Variants in GGA3 observed in about 807,000 individuals in gnomAD.
GGA3 encodes the protein ADP-ribosylation factor-binding protein GGA3.
A neutral mutation model predicts 77.5 loss-of-function variants in GGA3; 57 were observed. That is an observed-to-expected ratio of 0.74 (90% confidence interval 0.59 to 0.92). The LOEUF (loss-of-function observed/expected upper bound fraction) is 0.92, where lower values mean the gene tolerates loss of function less well. Among genes scored for constraint, GGA3 ranks in the 40% least tolerant of loss-of-function variants. GGA3 has a pLI of 0.00. For synonymous variants in GGA3, 416 were observed against 383.7 expected (o/e 1.08, Z -0.98); for missense variants, 970 against 914.9 (o/e 1.06, Z -0.78).
At chr17:75,250,961 A>G (rs1216506522) in intron 1 of GGA3, among the ~76,000 whole-genome samples, 3 of 150,942 alleles carry the variant, frequency 2.0e-5, no homozygotes, top group Non-Finnish European at 4.4e-5. Context: ...CGCACCTGTG[A>G]TCCCAGCTAC....
In GGA3 at chr17:75,239,540, G is replaced by A. The variant is rs1249316983; in HGVS notation, c.1615C>T (p.Pro539Ser). The A allele has an allele frequency of 1.3e-6, 2 of 1,560,964 alleles. No homozygotes were observed. The highest frequency in any genetic ancestry group is 1.2e-5 in the South Asian group (1 of 85,740). Residue 539 changes from proline to serine, a missense_variant, in exon 14 of 17, where the codon CCT becomes TCT. Pro to Ser is a moderately conservative substitution (Grantham distance 74). Coordinates refer to ENST00000537686, the MANE Select transcript of GGA3 (RefSeq NM_138619.4). ...TSGLVKPTTS[P>S]LIPTTTPARP... ...GCTGGGGTGGTGGTGGGGATGAGAGGGGAGGTAGTGGGTTTCACCAAGCCC... is the reference window on the plus strand; with the variant it reads ...GCTGGGGTGGTGGTGGGGATGAGAGAGGAGGTAGTGGGTTTCACCAAGCCC...
chr17:75,250,762 C>CAAA (rs5822078), intron 1 of GGA3, among the ~76,000 whole-genome samples: 11 of 78,832 alleles, frequency 1.4e-4, no homozygotes, highest in African/African-American at 3.9e-4. Flanking sequence ...ACTCCATCTC[C>CAAA]AAAAAAAAAA....
rs751994794 is a variant in GGA3 at position 75,241,019 on chromosome 17, G to A, written c.985C>T (p.Leu329Phe). 7 of 1,614,022 alleles carry A rather than the reference G, an allele frequency of 4.3e-6. No homozygotes were observed. Among genetic ancestry groups the A allele is most frequent in the Non-Finnish European group, 5.1e-6 (6 of 1,180,018 alleles). ...QCSNQGTLID[L>F]AELDTTNSLS... ...CTGTTGGTCGTGTCCAGCTCCGCAA[G>A]GTCGATGAGCGTGCCTTGGTTACTG... is the stretch of plus-strand genomic sequence containing the variant. The change falls in exon 11 of 17, where the codon CTT becomes TTT. Residue 329 changes from leucine (L) to phenylalanine (F), a missense_variant. Leu to Phe is a conservative substitution (Grantham distance 22, BLOSUM62 0). Transcript: ENST00000537686.
At position 75,261,583 on chromosome 17, in the gene GGA3, G is replaced by A. The variant is rs868200707; in HGVS notation, c.5C>T (p.Ala2Val). 2 of 1,552,906 alleles carry A rather than the reference G, an allele frequency of 1.3e-6. No individual in the cohort carries two copies. Among genetic ancestry groups the A allele is most frequent in the East Asian group, 2.4e-5 (1 of 42,482 alleles). ...CTCCAGGCTTTCCCCTTCCGCCTCC[G>A]CCATATTGCAGCCGCCCGGCCCCGC... is the stretch of plus-strand genomic sequence containing the variant. The part of the protein sequence containing the change: M[A>V]EAEGESLESW... Residue 2 changes from alanine (A) to valine (V), a missense_variant, in exon 1 of 17, where the codon GCG becomes GTG. Coordinates refer to ENST00000537686, the MANE Select transcript of GGA3 (RefSeq NM_138619.4).
At position 75,240,290 on chromosome 17, in the gene GGA3, G is replaced by C. The variant is rs745639901; in HGVS notation, c.1263+52C>G. 1.7e-4 allele frequency: 224 copies of C among 1,318,946 alleles called. 1 individual carries two copies. The highest frequency in any genetic ancestry group is 1.4e-3 in the Middle Eastern group (7 of 5,166). 81.7% of individuals were successfully genotyped at this position (1,318,946 alleles called of 1,614,324 possible). A position where few individuals can be genotyped will look rare whatever the true frequency, so the allele number is the denominator to read the frequency against. On this transcript the variant is annotated intron_variant, in intron 12 of 16. Coordinates refer to ENST00000537686, the MANE Select transcript of GGA3 (RefSeq NM_138619.4). ...CTGCAGCCCAGGAGACATGACGCTG[G>C]AAAGTGGAGGTCCTTGGCACAGTAG...
At chr17:75,246,916 A>G (rs889546215) in intron 1 of GGA3, 120 bp from the exon 2 acceptor site, 14 of 727,452 alleles carry the variant, frequency 1.9e-5, no homozygotes, top group Non-Finnish European at 3.1e-5. Flanking sequence ...TCTAATAGAG[A>G]AGCCTCAGTA....
intron 1 of GGA3, among the ~76,000 whole-genome samples, chr17:75,253,046 G>A (rs1037942866): frequency 2.6e-5 from 4 of 152,238 alleles, no homozygotes; most frequent in East Asian, 1.9e-4. Flanking sequence ...ACATGGACGC[G>A]CATGAAATTT....
intron 1 of GGA3, among the ~76,000 whole-genome samples, chr17:75,259,876 G>A (rs2145614388): frequency 6.6e-6 from 1 of 152,286 alleles, no homozygotes; most frequent in South Asian, 2.1e-4. Flanking sequence ...TAGGCTGGGT[G>A]CGGTAGCTCA....
chr17:75,251,567 G>A (rs568413057), intron 1 of GGA3, among the ~76,000 whole-genome samples: 25 of 151,746 alleles, frequency 1.6e-4, no homozygotes, highest in South Asian at 4.1e-4. Context: ...TTAGCCAGGC[G>A]AAGTGGCAGG....
rs1204251897 is a variant in GGA3 at position 75,236,831 on chromosome 17, G to A, written c.*1448C>T. The A allele has an allele frequency of 6.5e-6, 1 of 154,072 alleles. No homozygotes were observed. The highest frequency in any genetic ancestry group is 1.4e-5 in the Non-Finnish European group (1 of 69,006). 9.5% of individuals were successfully genotyped at this position (154,072 alleles called of 1,614,324 possible). ...AGCTCTTGGATTTATTCCTTAAGTAGTGAAAAATGATTCACTTTTGACTTG... is the reference window on the plus strand; with the variant it reads ...AGCTCTTGGATTTATTCCTTAAGTAATGAAAAATGATTCACTTTTGACTTG... On this transcript the variant is annotated 3_prime_UTR_variant, in exon 17 of 17. Coordinates refer to ENST00000537686, the MANE Select transcript of GGA3 (RefSeq NM_138619.4).
chr17:75,243,364 G>C lies in GGA3; in HGVS notation c.424+83C>G. The C allele has an allele frequency of 1.9e-6, 3 of 1,544,296 alleles. No individual in the cohort carries two copies. The South Asian group carries it at 3.4e-5, about 18-fold the overall frequency. ...TGCTGTTCTCTTCAGGAGGGACTCTGGGGATCCCAAACCTTCCCTTCTCTC... is the reference window on the plus strand; with the variant it reads ...TGCTGTTCTCTTCAGGAGGGACTCTCGGGATCCCAAACCTTCCCTTCTCTC... On this transcript the variant is annotated intron_variant, in intron 5 of 16. Coordinates refer to ENST00000537686, the MANE Select transcript of GGA3 (RefSeq NM_138619.4).
chr17:75,258,701 G>T (rs2077239080), intron 1 of GGA3, among the ~76,000 whole-genome samples: 1 of 151,984 alleles, frequency 6.6e-6, no homozygotes, highest in African/African-American at 2.4e-5. Flanking sequence ...AAACTTCTTG[G>T]GCTGGAAATT....
Position 75,238,632 on chromosome 17 carries a change from CT to C in GGA3, c.2061+19del. Reference sequence around the variant, plus strand: ...CAGCTGGGGCCTCAGGCTGGGACCCCTGGGTTCTTTGCTGCTCACCTTCAGT... The same window carrying C: ...CAGCTGGGGCCTCAGGCTGGGACCCCGGGTTCTTTGCTGCTCACCTTCAGT... On this transcript the variant is annotated intron_variant, in intron 16 of 16. Transcript: ENST00000537686. 1 of 1,569,642 alleles carries C rather than the reference CT, an allele frequency of 6.4e-7. No homozygotes were observed. The highest frequency in any genetic ancestry group is 2.2e-5 in the East Asian group (1 of 44,690).
chr17:75,240,771 C>T (rs543096989), intron 11 of GGA3, 41 bp downstream of exon 11: 25 of 1,568,534 alleles, frequency 1.6e-5, no homozygotes, highest in Middle Eastern at 4.7e-4. Flanking sequence ...CCTCCCAGAG[C>T]CCTGTCAGGG....
At position 75,261,523 on chromosome 17, in the gene GGA3, G is replaced by C. The variant is rs768490956; in HGVS notation, c.40+25C>G. On this transcript the variant is annotated intron_variant, in intron 1 of 16. Coordinates refer to ENST00000537686, the MANE Select transcript of GGA3 (RefSeq NM_138619.4). ...GGGGCAGCCCAGCGGCTCGAGGGCA[G>C]GCAGAAACGGCCGCGGCTACTCACT... The C allele has an allele frequency of 4.6e-6, 7 of 1,508,452 alleles. No individual in the cohort carries two copies. The Admixed American group carries it at 6.7e-5, about 14-fold the overall frequency. 93.4% of individuals were successfully genotyped at this position (1,508,452 alleles called of 1,614,324 possible). A position where few individuals can be genotyped will look rare whatever the true frequency, so the allele number is the denominator to read the frequency against.
At chr17:75,241,181 T>G in intron 10 of GGA3, 124 bp from the exon 11 acceptor site, 2 of 1,157,116 alleles carry the variant, frequency 1.7e-6, no homozygotes, top group Non-Finnish European at 2.6e-6. Context: ...ACGGCATCTC[T>G]GCCAGGGGAT....
rs1447608013 is a variant in GGA3, at chr17:75,237,416, C to T, written c.*863G>A. The T allele has an allele frequency of 3.8e-5, 53 of 1,380,880 alleles. No individual in the cohort carries two copies. The highest frequency in any genetic ancestry group is 1.4e-4 in the Admixed American group (7 of 50,816). The allele number at this position is 1,380,880 out of a possible 1,614,324, so 85.5% of individuals were successfully genotyped here. On this transcript the variant is annotated 3_prime_UTR_variant, in exon 17 of 17. Coordinates refer to ENST00000537686, the MANE Select transcript of GGA3 (RefSeq NM_138619.4). Reference sequence around the variant, plus strand: ...GCCAAAGCAGTAGGATGTAGAGTGGCGGTAGATTCCAAGGGGAGGATAGCA... The same window carrying T: ...GCCAAAGCAGTAGGATGTAGAGTGGTGGTAGATTCCAAGGGGAGGATAGCA...
In GGA3 at chr17:75,240,324, C is replaced by G; in HGVS notation, c.1263+18G>C. On this transcript the variant is annotated intron_variant, in intron 12 of 16. Coordinates refer to ENST00000537686, the MANE Select transcript of GGA3 (RefSeq NM_138619.4). Reference sequence around the variant, plus strand: ...GGTCCTTGGCACAGTAGTGCTGTCACCGATCCTGTGCCCCTACCTGGAGCA... The same window carrying G: ...GGTCCTTGGCACAGTAGTGCTGTCAGCGATCCTGTGCCCCTACCTGGAGCA... 1.3e-6 allele frequency: 2 copies of G among 1,545,912 alleles called. No homozygotes were observed. The highest frequency in any genetic ancestry group is 1.8e-6 in the Non-Finnish European group (2 of 1,130,760).
chr17:75,238,602 TG>T, intron 16 of GGA3, 49 bp downstream of exon 16: 2 of 1,324,136 alleles, frequency 1.5e-6, no homozygotes, highest in Non-Finnish European at 2.2e-6. Context: ...CGTCCTAATC[TG>T]GGGCAGCTGG....
Sources: allele counts gnomAD v4.1 joint callset (sites outside exome capture counted in the v4.1 genomes callset), GRCh38; gene constraint gnomAD v4.1.1; transcripts MANE v1.5; gene names NCBI Gene and HGNC (gene_info 2026-07-23, HGNC 2026-07-21).